Variants in FOXP2 observed in about 807,000 individuals in gnomAD.
FOXP2 encodes forkhead box protein P2.
FOXP2 carries 12 observed loss-of-function variants against 115.8 expected under a neutral mutation model. That is an observed-to-expected ratio of 0.10 (90% CI 0.07 to 0.17). The LOEUF is 0.17. FOXP2 is among the 10% of genes least tolerant of loss of function. The pLI is 1.00. For missense variants in FOXP2, 629 were observed against 843.5 expected (o/e 0.75, Z 3.15); for synonymous variants, 328 against 297.7 (o/e 1.10, Z -1.05).
chr7:114,312,134 C>T (rs1797161739), intron 2 of FOXP2, among the ~76,000 whole-genome samples: 1 of 152,130 alleles, frequency 6.6e-6, no homozygotes. Context: ...TTCAGTTCAC[C>T]CAAATCTCCA....
intron 1 of FOXP2, among the ~76,000 whole-genome samples, chr7:114,123,364 A>AAG (rs1554417923): frequency 6.6e-6 from 1 of 151,114 alleles, no homozygotes; most frequent in Non-Finnish European, 1.5e-5. Flanking sequence ...AAAAAAAAAA[A>AAG]AAAGAAAGAA....
chr7:114,364,589 T>G (rs1791831976), intron 2 of FOXP2, among the ~76,000 whole-genome samples: 1 of 152,224 alleles, frequency 6.6e-6, no homozygotes. Context: ...ATAAAATACT[T>G]TCTTCCTTTA....
At chr7:114,495,627 T>C (rs1797287592) in intron 2 of FOXP2, among the ~76,000 whole-genome samples, 1 of 151,466 alleles carries the variant, frequency 6.6e-6, no homozygotes. Flanking sequence ...TGCCTCAGCC[T>C]CCTGAGCAGC....
At chr7:114,402,787 C>T (rs1792917282) in intron 2 of FOXP2, among the ~76,000 whole-genome samples, 1 of 151,870 alleles carries the variant, frequency 6.6e-6, no homozygotes, top group African/African-American at 2.4e-5. Context: ...CCACCACACC[C>T]GGATATTGAT....
chr7:114,358,838 G>C (rs180716179), intron 2 of FOXP2, among the ~76,000 whole-genome samples: 7 of 152,252 alleles, frequency 4.6e-5, no homozygotes, highest in African/African-American at 1.7e-4. Context: ...GAGGTGGTTT[G>C]AAATTGGAAC....
intron 3 of FOXP2, among the ~76,000 whole-genome samples, chr7:114,628,112 T>A (rs1367173396): frequency 6.6e-6 from 1 of 152,146 alleles, no homozygotes; most frequent in Non-Finnish European, 1.5e-5. Flanking sequence ...ATAACATTTA[T>A]ATGCATATTT....
At chr7:114,506,931 T>C (rs1024399101) in intron 2 of FOXP2, among the ~76,000 whole-genome samples, 1 of 151,686 alleles carries the variant, frequency 6.6e-6, no homozygotes, top group Admixed American at 6.6e-5. Flanking sequence ...GTTGTAGGAG[T>C]AAATGTCTTC....
At chr7:114,318,862 G>C (rs1797339719) in intron 2 of FOXP2, among the ~76,000 whole-genome samples, 1 of 152,046 alleles carries the variant, frequency 6.6e-6, no homozygotes, top group African/African-American at 2.4e-5. Context: ...ATGTATGTAA[G>C]CCAAATTGAC....
At chr7:114,559,237 C>G (rs1325186584) in intron 3 of FOXP2, among the ~76,000 whole-genome samples, 3 of 152,246 alleles carry the variant, frequency 2.0e-5, no homozygotes, top group African/African-American at 7.2e-5. Flanking sequence ...TGATTTTAGA[C>G]ACATGAAAGA....
chr7:114,620,883 G>T (rs1198389517), intron 3 of FOXP2, among the ~76,000 whole-genome samples: 1 of 151,898 alleles, frequency 6.6e-6, no homozygotes, highest in African/African-American at 2.4e-5. Context: ...TGTATTAAAA[G>T]TTATGGGAAA....
chr7:114,368,520 T>A (rs1462243459), intron 2 of FOXP2, among the ~76,000 whole-genome samples: 1 of 152,214 alleles, frequency 6.6e-6, no homozygotes, highest in Non-Finnish European at 1.5e-5. Context: ...AGTCAGAGCC[T>A]TAACCATGGG....
At chr7:114,447,387 A>G (rs1428650993) in intron 2 of FOXP2, among the ~76,000 whole-genome samples, 1 of 151,624 alleles carries the variant, frequency 6.6e-6, no homozygotes, top group Non-Finnish European at 1.5e-5. Context: ...GATACTTATA[A>G]AGGCCACTGT....
intron 1 of FOXP2, among the ~76,000 whole-genome samples, chr7:114,089,239 T>A (rs566270126): frequency 6.6e-6 from 1 of 152,218 alleles, no homozygotes; most frequent in African/African-American, 2.4e-5. Context: ...AGAAACCTGA[T>A]GAAACATCCC....
intron 1 of FOXP2, among the ~76,000 whole-genome samples, chr7:114,100,807 C>T (rs1257493219): frequency 6.6e-6 from 1 of 152,122 alleles, no homozygotes; most frequent in African/African-American, 2.4e-5. Context: ...ATTTATTGAG[C>T]AGTTAGCTTA....
chr7:114,444,055 G>A (rs915955217), intron 2 of FOXP2, among the ~76,000 whole-genome samples: 19 of 152,016 alleles, frequency 1.2e-4, no homozygotes, highest in Non-Finnish European at 2.8e-4. Flanking sequence ...TTTTACTCAC[G>A]TTTTAAATCC....
At chr7:114,453,455 A>G (rs1307043182) in intron 2 of FOXP2, among the ~76,000 whole-genome samples, 3 of 151,944 alleles carry the variant, frequency 2.0e-5, no homozygotes, top group Admixed American at 6.6e-5. Context: ...ATTCCATCAC[A>G]TTGCCACCTT....
At chr7:114,097,901 C>A (rs921707734) in intron 1 of FOXP2, among the ~76,000 whole-genome samples, 4 of 152,020 alleles carry the variant, frequency 2.6e-5, no homozygotes, top group African/African-American at 4.8e-5. Flanking sequence ...CTGTTAATGG[C>A]AAAACAAATA....
chr7:114,185,621 A>G (rs924100950), intron 1 of FOXP2, among the ~76,000 whole-genome samples: 1 of 152,150 alleles, frequency 6.6e-6, no homozygotes, highest in Non-Finnish European at 1.5e-5. Context: ...GAAGCAAAGA[A>G]TCCCAAATTC....
At chr7:114,437,282 C>A (rs1288044265) in intron 2 of FOXP2, among the ~76,000 whole-genome samples, 1 of 152,134 alleles carries the variant, frequency 6.6e-6, no homozygotes, top group Non-Finnish European at 1.5e-5. Flanking sequence ...TTATGAAATG[C>A]TAAATATGGC....
Sources: allele counts gnomAD v4.1 joint callset (sites outside exome capture counted in the v4.1 genomes callset), GRCh38; gene constraint gnomAD v4.1.1; transcripts MANE v1.5; gene names NCBI Gene and HGNC (gene_info 2026-07-23, HGNC 2026-07-21).